CRPPA: variants seen among roughly 807,000 people sequenced by gnomAD.
The protein encoded by CRPPA is D-ribitol-5-phosphate cytidylyltransferase.
CRPPA carries 43 observed loss-of-function variants against 52.0 expected under a neutral mutation model. The ratio of observed to expected loss-of-function variants is 0.83; its 90% confidence interval spans 0.65 to 1.07. CRPPA has a LOEUF of 1.07. Among genes scored for constraint, CRPPA ranks in the 50% least tolerant of loss-of-function variants. The pLI, the probability that CRPPA is intolerant of heterozygous loss-of-function variation, is 0.00. For missense variants in CRPPA, 629 were observed against 551.7 expected (o/e 1.14, Z -1.40); for synonymous variants, 250 against 203.5 (o/e 1.23, Z -1.94).
chr7:16,323,278 A>G, intron 3 of CRPPA, among the ~76,000 whole-genome samples: 1 of 152,146 alleles, frequency 6.6e-6, no homozygotes, highest in Admixed American at 6.5e-5. Context: ...ACCTAACTCT[A>G]TACACTTGCC....
At chr7:16,326,032 A>T (rs1785380202) in intron 3 of CRPPA, among the ~76,000 whole-genome samples, 1 of 147,918 alleles carries the variant, frequency 6.8e-6, no homozygotes, top group Non-Finnish European at 1.5e-5. Context: ...GTTTTAACAT[A>T]TGTAAATATG....
At chr7:16,115,491 C>T (rs1295206924) in intron 9 of CRPPA, among the ~76,000 whole-genome samples, 1 of 152,146 alleles carries the variant, frequency 6.6e-6, no homozygotes, top group Non-Finnish European at 1.5e-5. Context: ...GTTTCTGTGT[C>T]TAGAAATAGA....
At chr7:16,199,848 CTTTTTCTTTTTTT>C (rs1781811018) in intron 9 of CRPPA, among the ~76,000 whole-genome samples, 1 of 143,200 alleles carries the variant, frequency 7.0e-6, no homozygotes, top group African/African-American at 2.6e-5. Flanking sequence ...GATCTGTAAG[CTTTTTCTTTTTTT>C]TTTTTTTTTT....
chr7:16,245,946 G>A (rs1783261019), intron 8 of CRPPA, among the ~76,000 whole-genome samples: 1 of 152,020 alleles, frequency 6.6e-6, no homozygotes. Context: ...AATGGCTCCT[G>A]ACTGTTCACG....
chr7:16,345,068 C>G (rs1034580641), intron 3 of CRPPA, among the ~76,000 whole-genome samples: 1 of 152,126 alleles, frequency 6.6e-6, no homozygotes, highest in African/African-American at 2.4e-5. Context: ...ATCAAACCAT[C>G]AAAAGCCAAA....
intron 9 of CRPPA, among the ~76,000 whole-genome samples, chr7:16,123,266 G>C (rs1782512634): frequency 6.6e-6 from 1 of 152,004 alleles, no homozygotes; most frequent in Non-Finnish European, 1.5e-5. Flanking sequence ...AAACAAAATA[G>C]TTTTCATTTC....
intron 9 of CRPPA, among the ~76,000 whole-genome samples, chr7:16,096,115 C>T (rs368931514): frequency 1.5e-4 from 23 of 152,236 alleles, no homozygotes; most frequent in East Asian, 1.2e-3. Context: ...GCTTCAACAA[C>T]GTCCACAGGA....
intron 9 of CRPPA, among the ~76,000 whole-genome samples, chr7:16,136,735 G>A (rs914443735): frequency 1.3e-5 from 2 of 152,178 alleles, no homozygotes; most frequent in East Asian, 3.8e-4. Flanking sequence ...GAAAGAAGGT[G>A]CCCACTGTTT....
At chr7:16,210,546 C>CA (rs1782106212) in intron 9 of CRPPA, 1 of 152,258 alleles carries the variant, frequency 6.6e-6, no homozygotes, top group East Asian at 1.9e-4. Flanking sequence ...CTCATGAAAT[C>CA]ATGAACTGAG....
At chr7:16,354,602 T>C (rs796597033) in intron 3 of CRPPA, among the ~76,000 whole-genome samples, 17 of 152,240 alleles carry the variant, frequency 1.1e-4, no homozygotes, top group Admixed American at 3.3e-4. Flanking sequence ...AAGAGAAAAA[T>C]AGGAGTTCAT....
At chr7:16,105,435 C>T (rs894236675) in intron 9 of CRPPA, among the ~76,000 whole-genome samples, 3 of 152,206 alleles carry the variant, frequency 2.0e-5, no homozygotes, top group Non-Finnish European at 4.4e-5. Context: ...GAAATAGAGA[C>T]AGTCATACCC....
intron 9 of CRPPA, among the ~76,000 whole-genome samples, chr7:16,166,178 G>C (rs908794277): frequency 1.3e-5 from 2 of 152,118 alleles, no homozygotes; most frequent in African/African-American, 4.8e-5. Context: ...TACAGTCTTA[G>C]ACTAAAGGTG....
intron 5 of CRPPA, among the ~76,000 whole-genome samples, chr7:16,298,047 A>T (rs1784710572): frequency 6.6e-6 from 1 of 151,686 alleles, no homozygotes; most frequent in African/African-American, 2.4e-5. Context: ...ATATTTTGGA[A>T]TTTTTTTTTA....
chr7:16,272,899 A>AT (rs937457839), intron 6 of CRPPA, among the ~76,000 whole-genome samples: 2 of 150,852 alleles, frequency 1.3e-5, no homozygotes, highest in African/African-American at 4.9e-5. Context: ...TCATAGGGTT[A>AT]TTTTTTTTCC....
chr7:16,327,179 T>C (rs547802667), intron 3 of CRPPA, among the ~76,000 whole-genome samples: 1 of 152,302 alleles, frequency 6.6e-6, no homozygotes, highest in African/African-American at 2.4e-5. Flanking sequence ...AATGGAGATA[T>C]CTTCAACTCA....
chr7:16,324,054 T>A (rs781695748), intron 3 of CRPPA, among the ~76,000 whole-genome samples: 2 of 152,198 alleles, frequency 1.3e-5, no homozygotes, highest in African/African-American at 4.8e-5. Context: ...CGACGTTCTA[T>A]CTTGTGAGAT....
At chr7:16,341,538 T>C (rs1237065535) in intron 3 of CRPPA, among the ~76,000 whole-genome samples, 1 of 152,210 alleles carries the variant, frequency 6.6e-6, no homozygotes, top group African/African-American at 2.4e-5. Context: ...TACCTACAAG[T>C]CCTGTTTGTT....
intron 3 of CRPPA, among the ~76,000 whole-genome samples, chr7:16,367,952 T>C (rs1173974366): frequency 6.6e-6 from 1 of 152,202 alleles, no homozygotes; most frequent in Non-Finnish European, 1.5e-5. Flanking sequence ...ATTCTGTCAC[T>C]GGCTGAATCC....
intron 6 of CRPPA, among the ~76,000 whole-genome samples, chr7:16,259,603 A>G (rs1486614716): frequency 2.6e-5 from 4 of 151,990 alleles, no homozygotes; most frequent in African/African-American, 9.7e-5. Context: ...AAACTTTCCT[A>G]GTAAGATTTT....
Sources: gnomAD v4.1 joint callset for allele counts (sites outside exome capture counted in the v4.1 genomes callset) on GRCh38, gnomAD v4.1.1 for gene constraint, MANE v1.5 for transcripts, NCBI Gene and HGNC (gene_info 2026-07-23, HGNC 2026-07-21) for gene names.